NAALADL2: variants seen among roughly 807,000 people sequenced by gnomAD.
NAALADL2 encodes inactive N-acetylated-alpha-linked acidic dipeptidase-like protein 2.
Under a neutral mutation model 87.2 loss-of-function variants are expected in NAALADL2, and 76 were observed. The ratio of observed to expected loss-of-function variants is 0.87; its 90% CI spans 0.72 to 1.05. The LOEUF (loss-of-function observed/expected upper bound fraction) is 1.05. NAALADL2 is among the 50% of genes least tolerant of loss of function. NAALADL2 has a pLI of 0.00. For synonymous variants in NAALADL2, 354 were observed against 331.0 expected (o/e 1.07, Z -0.75); for missense variants, 1,089 against 945.8 (o/e 1.15, Z -1.99).
At position 174,510,849 on chromosome 3, in the gene NAALADL2, C is replaced by T. The variant is rs552525626; in HGVS notation, c.-183-39720C>T. ...TAACATGAGCATTTAAGCCTATTTA[C>T]TTCTAAGCACTGACTTAATTGCTTT... On this transcript the variant is annotated intron_variant, in intron 1 of 3. Coordinates refer to the NAALADL2 transcript ENST00000434257. Among the ~76,000 whole-genome samples the T allele has an allele frequency of 1.6e-4, 25 of 151,794 alleles. 1 individual carries two copies. The East Asian group carries it at 4.7e-3, about 28-fold the overall frequency.
intron 2 of NAALADL2, among the ~76,000 whole-genome samples, chr3:174,649,661 A>G (rs1241551626): frequency 1.3e-5 from 2 of 152,180 alleles, no homozygotes; most frequent in Non-Finnish European, 2.9e-5. Context: ...AATATTGGAA[A>G]TAGGCTAGAG....
chr3:175,667,239 GAAAAAGAAAGAAAGA>G (rs1733272035), intron 11 of NAALADL2, among the ~76,000 whole-genome samples: 22 of 82,058 alleles, frequency 2.7e-4, no homozygotes, highest in African/African-American at 1.4e-3. Context: ...AAGAAAGAAA[GAAAAAGAAAGAAAGA>G]AAGAAAGAAA....
chr3:175,610,876 A>G (rs758906910), intron 10 of NAALADL2, among the ~76,000 whole-genome samples: 13 of 152,090 alleles, frequency 8.5e-5, no homozygotes, highest in Non-Finnish European at 1.9e-4. Context: ...GTTTAATAAT[A>G]TTGAATATTA....
chr3:174,737,299 C>G (rs1733320134), intron 2 of NAALADL2, among the ~76,000 whole-genome samples: 1 of 152,208 alleles, frequency 6.6e-6, no homozygotes. Context: ...CTGTGCCTGG[C>G]CTGCTTTATC....
intron 1 of NAALADL2, among the ~76,000 whole-genome samples, chr3:174,997,301 C>G (rs1234622313): frequency 6.6e-6 from 1 of 151,946 alleles, no homozygotes; most frequent in Non-Finnish European, 1.5e-5. Flanking sequence ...AGCAGTGTAA[C>G]AGTGTTCCCT....
intron 4 of NAALADL2, among the ~76,000 whole-genome samples, chr3:175,257,649 G>A (rs1750231871): frequency 1.3e-5 from 2 of 152,108 alleles, no homozygotes; most frequent in Non-Finnish European, 2.9e-5. Context: ...CAAAATATTA[G>A]AAATGATATA....
intron 2 of NAALADL2, among the ~76,000 whole-genome samples, chr3:174,705,522 C>T (rs1250729034): frequency 1.3e-4 from 20 of 152,278 alleles, no homozygotes; most frequent in Admixed American, 1.1e-3. Context: ...CGATGGCTCA[C>T]GCCTGTAATC....
At chr3:174,827,216 T>G (rs1190519739) in intron 3 of NAALADL2, among the ~76,000 whole-genome samples, 1 of 152,210 alleles carries the variant, frequency 6.6e-6, no homozygotes, top group East Asian at 1.9e-4. Context: ...TAGTATGTAC[T>G]GGTATATTAG....
chr3:174,761,245 A>G (rs1197435868), intron 3 of NAALADL2, among the ~76,000 whole-genome samples: 1 of 152,164 alleles, frequency 6.6e-6, no homozygotes, highest in South Asian at 2.1e-4. Flanking sequence ...TGATTTGGCA[A>G]TTTTCATGGA....
chr3:174,794,981 CTT>C (rs772447340), intron 3 of NAALADL2, among the ~76,000 whole-genome samples: 14 of 66,694 alleles, frequency 2.1e-4, no homozygotes, highest in African/African-American at 4.1e-4. Context: ...TCTAGTCCAG[CTT>C]TTTTTTTTTT....
chr3:175,500,183 A>G (rs902369735), intron 9 of NAALADL2, among the ~76,000 whole-genome samples: 3 of 152,096 alleles, frequency 2.0e-5, no homozygotes, highest in South Asian at 4.1e-4. Flanking sequence ...TAATGCGCAT[A>G]CATACATAAC....
chr3:175,110,432 C>T (rs1723999847), intron 2 of NAALADL2, among the ~76,000 whole-genome samples: 1 of 151,724 alleles, frequency 6.6e-6, no homozygotes, highest in Admixed American at 6.6e-5. Flanking sequence ...ATTTATACTG[C>T]AATTTCAGCC....
chr3:174,831,557 G>A (rs927087438), intron 3 of NAALADL2, among the ~76,000 whole-genome samples: 1 of 149,852 alleles, frequency 6.7e-6, no homozygotes, highest in African/African-American at 2.5e-5. Flanking sequence ...AAGGATATTG[G>A]TCTAAAATTC....
At chr3:174,555,249 T>C (rs181559241) in intron 2 of NAALADL2, among the ~76,000 whole-genome samples, 2 of 152,306 alleles carry the variant, frequency 1.3e-5, no homozygotes, top group Admixed American at 1.3e-4. Context: ...ATTTATTTAA[T>C]ATAAGTTTTA....
intron 11 of NAALADL2, among the ~76,000 whole-genome samples, chr3:175,728,951 T>C (rs1368788524): frequency 6.6e-6 from 1 of 152,176 alleles, no homozygotes; most frequent in Middle Eastern, 3.2e-3. Flanking sequence ...GTTGGCTTTT[T>C]TCTACCCCAG....
chr3:175,327,148 C>CTTTTTTTTTTTTTTTTTTTTTTT (rs35198621), intron 5 of NAALADL2, among the ~76,000 whole-genome samples: 1 of 99,514 alleles, frequency 1.0e-5, no homozygotes, highest in Non-Finnish European at 1.9e-5. Context: ...GTCTACATTT[C>CTTTTTTTTTTTTTTTTTTTTTTT]TTTTTTTTTT....
chr3:174,527,247 G>A (rs757366062), intron 1 of NAALADL2, among the ~76,000 whole-genome samples: 3 of 152,128 alleles, frequency 2.0e-5, no homozygotes, highest in East Asian at 1.9e-4. Flanking sequence ...TTGGCTGGGC[G>A]CAGTGGGTCA....
rs138786401 is a variant in NAALADL2 at position 175,737,019 on chromosome 3, A to T, written c.1897-287A>T. Among the ~76,000 whole-genome samples the T allele has an allele frequency of 1.1e-3, 162 of 152,320 alleles. 1 individual carries two copies. The highest frequency in any genetic ancestry group is 3.8e-3 in the African/African-American group (158 of 41,566). ...GAATTATTTAAAGTCTAAATAGTAC[A>T]ACTCTTTCAATTAGGGAAGGCATTT... On this transcript the variant is annotated intron_variant, in intron 11 of 13. Transcript: ENST00000454872.
At chr3:175,341,602 G>A (rs1449259158) in intron 5 of NAALADL2, among the ~76,000 whole-genome samples, 1 of 152,084 alleles carries the variant, frequency 6.6e-6, no homozygotes, top group African/African-American at 2.4e-5. Context: ...TATAGAGGAT[G>A]CACTGTTTAA....
Sources: gnomAD v4.1 joint callset for allele counts (sites outside exome capture counted in the v4.1 genomes callset) on GRCh38, gnomAD v4.1.1 for gene constraint, MANE v1.5 for transcripts, NCBI Gene and HGNC (gene_info 2026-07-23, HGNC 2026-07-21) for gene names.